The following DOK6 variants were observed in gnomAD, a reference collection of about 807,000 sequenced individuals.
DOK6 encodes the protein downstream of tyrosine kinase 6.
DOK6 carries 22 observed loss-of-function variants against 44.0 expected under a neutral mutation model. That is an observed-to-expected ratio of 0.50 (90% confidence interval 0.36 to 0.71). DOK6 has a LOEUF of 0.71. Among genes scored for constraint, DOK6 ranks in the 30% least tolerant of loss-of-function variants. The pLI is 0.00. For synonymous variants in DOK6, 166 were observed against 145.5 expected (o/e 1.14, Z -1.01); for missense variants, 340 against 416.4 (o/e 0.82, Z 1.60).
At chr18:69,735,104 T>A (rs1978559690) in intron 5 of DOK6, among the ~76,000 whole-genome samples, 1 of 152,206 alleles carries the variant, frequency 6.6e-6, no homozygotes, top group Admixed American at 6.5e-5. Context: ...ATCCACATGA[T>A]CCCTGGTTAT....
chr18:69,579,221 A>G (rs978683146), intron 2 of DOK6, among the ~76,000 whole-genome samples: 9 of 152,210 alleles, frequency 5.9e-5, no homozygotes, highest in Non-Finnish European at 1.0e-4. Context: ...AAGGCAAACA[A>G]GTTTTTGTTC....
chr18:69,527,353 A>G (rs118093760), intron 1 of DOK6, among the ~76,000 whole-genome samples: 2,875 of 152,304 alleles, frequency 0.019, 94 homozygotes, highest in East Asian at 0.16. Flanking sequence ...AGGCCTCAGG[A>G]AACTTACAAT....
chr18:69,818,295 T>C (rs1981461032), intron 7 of DOK6, among the ~76,000 whole-genome samples: 1 of 152,180 alleles, frequency 6.6e-6, no homozygotes, highest in South Asian at 2.1e-4. Flanking sequence ...ATGAGAGGAA[T>C]GTGCTCTGAG....
chr18:69,534,908 G>A (rs976986547), intron 1 of DOK6, among the ~76,000 whole-genome samples: 7 of 151,962 alleles, frequency 4.6e-5, no homozygotes, highest in South Asian at 2.1e-4. Context: ...ACTTTTGAAC[G>A]TTAGGCTCAC....
At chr18:69,807,673 G>A (rs1333474202) in intron 7 of DOK6, among the ~76,000 whole-genome samples, 1 of 151,770 alleles carries the variant, frequency 6.6e-6, no homozygotes, top group Non-Finnish European at 1.5e-5. Context: ...TAGACTTTAA[G>A]TCAAAAACTG....
intron 1 of DOK6, among the ~76,000 whole-genome samples, chr18:69,407,080 T>A (rs540360868): frequency 1.3e-5 from 2 of 151,410 alleles, no homozygotes; most frequent in East Asian, 3.9e-4. Flanking sequence ...AAACTCCATC[T>A]AAAAAAAAAT....
intron 3 of DOK6, chr18:69,643,572 C>G (rs1360619887): frequency 6.6e-6 from 1 of 152,122 alleles, no homozygotes; most frequent in Non-Finnish European, 1.5e-5. Flanking sequence ...TCTGACAGAT[C>G]CACACATGTA....
chr18:69,744,695 C>T (rs193018326), intron 6 of DOK6, among the ~76,000 whole-genome samples: 13 of 152,060 alleles, frequency 8.5e-5, no homozygotes, highest in South Asian at 8.3e-4. Context: ...GAGGCCGAGG[C>T]GGACAGATCA....
At chr18:69,609,088 C>T (rs10439007) in intron 3 of DOK6, among the ~76,000 whole-genome samples, 143,166 of 152,144 alleles carry the variant, frequency 0.94, 67,967 homozygotes, top group East Asian at 1. Context: ...GTCTCCTTGG[C>T]CTAGAAAAAT....
intron 7 of DOK6, among the ~76,000 whole-genome samples, chr18:69,779,350 T>C (rs942568152): frequency 6.6e-6 from 1 of 152,008 alleles, no homozygotes; most frequent in African/African-American, 2.4e-5. Flanking sequence ...ACTGCATATA[T>C]GTCCCTGCAC....
At chr18:69,696,355 T>G (rs1021155477) in intron 4 of DOK6, among the ~76,000 whole-genome samples, 2 of 152,172 alleles carry the variant, frequency 1.3e-5, no homozygotes. Context: ...ATTCTATGTT[T>G]TTAACTATCA....
At chr18:69,800,100 A>C (rs878861327) in intron 7 of DOK6, among the ~76,000 whole-genome samples, 10 of 152,000 alleles carry the variant, frequency 6.6e-5, no homozygotes, top group African/African-American at 1.7e-4. Flanking sequence ...ATTAAAAAAA[A>C]ACACACAAAA....
chr18:69,792,967 C>T (rs1171311563), intron 7 of DOK6, among the ~76,000 whole-genome samples: 3 of 152,074 alleles, frequency 2.0e-5, no homozygotes, highest in Non-Finnish European at 2.9e-5. Context: ...TGAAGAATAA[C>T]TTAGTGACAA....
At chr18:69,564,205 T>C (rs770408408) in intron 1 of DOK6, among the ~76,000 whole-genome samples, 14 of 152,208 alleles carry the variant, frequency 9.2e-5, no homozygotes, top group Non-Finnish European at 1.8e-4. Flanking sequence ...AGGATGGTGA[T>C]AATAATTTAT....
At chr18:69,708,060 A>G (rs1051497797) in intron 5 of DOK6, among the ~76,000 whole-genome samples, 1 of 152,182 alleles carries the variant, frequency 6.6e-6, no homozygotes. Flanking sequence ...TAAAGTGGGC[A>G]GAGAGTTTGT....
At chr18:69,721,191 T>C (rs4641853) in intron 5 of DOK6, 99,835 of 152,070 alleles carry the variant, frequency 0.66, 33,364 homozygotes, top group East Asian at 0.89. Flanking sequence ...TGTTATAGAA[T>C]ATATACCTAA....
intron 3 of DOK6, among the ~76,000 whole-genome samples, chr18:69,659,464 C>A (rs1278895271): frequency 6.6e-6 from 1 of 152,166 alleles, no homozygotes; most frequent in African/African-American, 2.4e-5. Flanking sequence ...GTATTTCATT[C>A]TGTTTGTATT....
chr18:69,791,572 G>A (rs1303284162), intron 7 of DOK6, among the ~76,000 whole-genome samples: 5 of 151,978 alleles, frequency 3.3e-5, no homozygotes, highest in Non-Finnish European at 4.4e-5. Flanking sequence ...ATGTCTATCC[G>A]GATCTTTTGC....
At chr18:69,525,501 G>A (rs990396366) in intron 1 of DOK6, among the ~76,000 whole-genome samples, 1 of 151,960 alleles carries the variant, frequency 6.6e-6, no homozygotes, top group African/African-American at 2.4e-5. Flanking sequence ...GAGGAAAGAT[G>A]AATGAGTAAT....
Sources: gnomAD v4.1 joint callset for allele counts (sites outside exome capture counted in the v4.1 genomes callset) on GRCh38, gnomAD v4.1.1 for gene constraint, MANE v1.5 for transcripts, NCBI Gene and HGNC (gene_info 2026-07-23, HGNC 2026-07-21) for gene names.